Variants in SLC38A6 observed in about 807,000 individuals in gnomAD.
The protein encoded by SLC38A6 is solute carrier family 38 member 6.
In SLC38A6, 73 loss-of-function variants were observed where a neutral mutation model predicts 65.0. The observed-to-expected ratio is 1.12, with a 90% CI of 0.93 to 1.37. The LOEUF (loss-of-function observed/expected upper bound fraction) is 1.37, where lower values mean the gene tolerates loss of function less well. SLC38A6 is among the 40% of genes most tolerant of loss of function. SLC38A6 has a pLI of 0.00. For synonymous variants in SLC38A6, 183 were observed against 178.8 expected, an observed-to-expected ratio of 1.02 and a Z score of -0.19; for missense variants, 561 against 531.1, an observed-to-expected ratio of 1.06 and a Z score of -0.55.
chr14:61,052,453 C>T lies in SLC38A6; in HGVS notation c.*24C>T. ...AAAAGAAATATTTTCCTACTTCTTA[C>T]AAGAATAATATACCCCTAGTTGCAA... On this transcript the variant is annotated 3_prime_UTR_variant, in exon 16 of 16. Transcript: ENST00000267488. 1 of 1,555,896 alleles carries T rather than the reference C, an allele frequency of 6.4e-7. No homozygotes were observed. Among genetic ancestry groups the T allele is most frequent in the Non-Finnish European group, 8.7e-7 (1 of 1,154,350 alleles).
intron 3 of SLC38A6, among the ~76,000 whole-genome samples, chr14:61,011,696 G>T (rs1045971811): frequency 6.6e-6 from 1 of 152,122 alleles, no homozygotes; most frequent in Non-Finnish European, 1.5e-5. Context: ...ATTGATTTGC[G>T]TATGTTGAAC....
chr14:60,985,193 A>G (rs1292178504), intron 3 of SLC38A6, among the ~76,000 whole-genome samples: 3 of 152,224 alleles, frequency 2.0e-5, no homozygotes, highest in Non-Finnish European at 4.4e-5. Context: ...CCTGCTAGTC[A>G]GAGGTAGGGA....
At chr14:60,983,330 A>G (rs2037213559) in intron 2 of SLC38A6, among the ~76,000 whole-genome samples, 1 of 152,338 alleles carries the variant, frequency 6.6e-6, no homozygotes, top group Middle Eastern at 3.4e-3. Context: ...ATCTCTGCCC[A>G]AAATACAAAA....
chr14:61,002,025 A>T (rs905296525), intron 3 of SLC38A6: 1 of 152,112 alleles, frequency 6.6e-6, no homozygotes, highest in Non-Finnish European at 1.5e-5. Context: ...GTTTTTATCC[A>T]TAGGTTGAAG....
At chr14:61,012,168 C>T (rs1186973105) in intron 3 of SLC38A6, among the ~76,000 whole-genome samples, 2 of 152,134 alleles carry the variant, frequency 1.3e-5, no homozygotes, top group Admixed American at 6.5e-5. Flanking sequence ...AGTTTATTTG[C>T]ATAGAGGTGT....
rs1345215007 is a variant in SLC38A6 at position 61,028,722 on chromosome 14, G to GA, written c.404-1717dup. 5.3e-5 allele frequency among the ~76,000 whole-genome samples: 8 copies of GA among 152,146 alleles called. No homozygotes were observed. In the East Asian group the frequency reaches 1.2e-3, roughly 22 times the overall value. ...AGGGAAAAAGAAATCGTTGTAAACT[G>GA]AAAAAATATGTATATGTATATTTTC... On this transcript the variant is annotated intron_variant, in intron 5 of 15. Transcript: ENST00000267488.
At chr14:61,054,786 A>G (rs2042650090), downstream of SLC38A6, among the ~76,000 whole-genome samples, 1 of 152,158 alleles carries the variant, frequency 6.6e-6, no homozygotes, top group Admixed American at 6.6e-5. Context: ...TTCTAGATAT[A>G]GAATCATGTC....
In SLC38A6 at chr14:61,015,851, C is replaced by A. The variant is rs2039971874; in HGVS notation, c.311-53C>A. The A allele has an allele frequency of 7.0e-6, 10 of 1,431,718 alleles. No homozygotes were observed. In the South Asian group the frequency reaches 1.1e-4, roughly 16 times the overall value. The allele number at this position is 1,431,718 out of a possible 1,614,324, so 88.7% of individuals were successfully genotyped here. On this transcript the variant is annotated intron_variant, in intron 3 of 15. Coordinates refer to ENST00000267488, the MANE Select transcript of SLC38A6 (RefSeq NM_153811.3). Reference sequence around the variant, plus strand: ...TAGGACCTGCTCTTCTCTTTAGGACCTGACACATAAATAGTTTTGTGTAAA... The same window carrying A: ...TAGGACCTGCTCTTCTCTTTAGGACATGACACATAAATAGTTTTGTGTAAA...
intron 3 of SLC38A6, among the ~76,000 whole-genome samples, chr14:61,005,576 T>G (rs539204846): frequency 3.3e-5 from 5 of 151,898 alleles, no homozygotes; most frequent in Admixed American, 3.3e-4. Flanking sequence ...TGAACTCCCA[T>G]TCACAATTGC....
At chr14:60,982,870 A>G (rs2037165582) in intron 2 of SLC38A6, among the ~76,000 whole-genome samples, 1 of 152,202 alleles carries the variant, frequency 6.6e-6, no homozygotes, top group African/African-American at 2.4e-5. Flanking sequence ...CTTGATCCAC[A>G]TTTCATTTAT....
At chr14:61,017,676 G>A (rs2040102015) in intron 4 of SLC38A6, among the ~76,000 whole-genome samples, 2 of 152,140 alleles carry the variant, frequency 1.3e-5, no homozygotes, top group Non-Finnish European at 2.9e-5. Context: ...TGCGTTGCTT[G>A]TATAGCAGCA....
intron 3 of SLC38A6, among the ~76,000 whole-genome samples, chr14:61,000,440 G>C (rs1412014819): frequency 6.6e-6 from 1 of 152,212 alleles, no homozygotes; most frequent in Non-Finnish European, 1.5e-5. Context: ...CCAGTAGCCT[G>C]CCCAACATGG....
At chr14:61,040,040 T>A (rs1255579186) in intron 8 of SLC38A6, among the ~76,000 whole-genome samples, 1 of 151,946 alleles carries the variant, frequency 6.6e-6, no homozygotes, top group Non-Finnish European at 1.5e-5. Flanking sequence ...TTTACCTTTT[T>A]TTGGTAAATT....
intron 3 of SLC38A6, among the ~76,000 whole-genome samples, chr14:61,004,099 C>T (rs1174541675): frequency 6.6e-6 from 1 of 152,132 alleles, no homozygotes; most frequent in Non-Finnish European, 1.5e-5. Flanking sequence ...TACATTTTCT[C>T]AAACAGTAAC....
rs2139664806 is a variant in SLC38A6, at chr14:61,030,727, C to T, written c.482+204C>T. The T allele has an allele frequency of 6.8e-6, 3 of 439,392 alleles. 1 individual carries two copies. In the East Asian group the frequency reaches 1.2e-4, roughly 18 times the overall value. The allele number at this position is 439,392 out of a possible 1,614,324, so 27.2% of individuals were successfully genotyped here. On this transcript the variant is annotated intron_variant, in intron 6 of 15. Transcript: ENST00000267488. ...TGATTACCCATATGAAAGCGCTGTT[C>T]TGTGAACCATATGAAGCACCAGATA...
intron 3 of SLC38A6, chr14:60,986,989 C>G (rs2037494964): frequency 2.6e-6 from 1 of 379,282 alleles, no homozygotes; most frequent in African/African-American, 2.2e-5. Context: ...TTCTGTAACT[C>G]TGGGGCGTAT....
chr14:60,992,992 A>AC (rs1481050687), intron 3 of SLC38A6, among the ~76,000 whole-genome samples: 1 of 151,818 alleles, frequency 6.6e-6, no homozygotes, highest in African/African-American at 2.4e-5. Context: ...GATTACAGGC[A>AC]CCCACCACCA....
Position 60,981,297 on chromosome 14 carries a change from G to A in SLC38A6, c.20G>A (p.Ser7Asn), listed in dbSNP as rs780941505. The change falls in exon 1 of 16, where the codon AGC becomes AAC. Residue 7 changes from serine to asparagine, a missense_variant. Physicochemically the swap from Ser to Asn is conservative, Grantham distance 46 (BLOSUM62 1). Coordinates refer to ENST00000267488, the MANE Select transcript of SLC38A6 (RefSeq NM_153811.3). ...AGCAGCATGGAGGCGTCCTGGGGGA[G>A]CTTCAACGCTGAGCGGGGCTGGTAT... MEASWG[S>N]FNAERGWYVS... The A allele has an allele frequency of 1.2e-6, 2 of 1,608,498 alleles. No individual in the cohort carries two copies. The highest frequency in any genetic ancestry group is 8.5e-7 in the Non-Finnish European group (1 of 1,177,728).
At chr14:61,021,094 A>G (rs1050012508) in intron 5 of SLC38A6, among the ~76,000 whole-genome samples, 1 of 152,098 alleles carries the variant, frequency 6.6e-6, no homozygotes, top group Non-Finnish European at 1.5e-5. Context: ...ACTTCTCTGT[A>G]TGTATGCTCC....
Sources: allele counts gnomAD v4.1 joint callset (sites outside exome capture counted in the v4.1 genomes callset), GRCh38; gene constraint gnomAD v4.1.1; transcripts MANE v1.5; gene names NCBI Gene and HGNC (gene_info 2026-07-23, HGNC 2026-07-21).